Variants in CENPC observed in about 807,000 individuals in gnomAD.
CENPC encodes centromere protein C, also known as CENP-C 1.
In CENPC, 63 loss-of-function variants were observed where a neutral mutation model predicts 112.1. That is an observed-to-expected ratio of 0.56 (90% CI 0.46 to 0.69). The LOEUF is 0.69. Ranked by LOEUF, CENPC falls within the 30% of genes least tolerant of loss-of-function variation. The pLI is 0.00. For synonymous variants in CENPC, 333 were observed against 367.6 expected (o/e 0.91, Z 1.08); for missense variants, 1,000 against 1,103.8 (o/e 0.91, Z 1.33).
At chr4:67,519,950 A>T (rs1726174716) in intron 5 of CENPC, among the ~76,000 whole-genome samples, 1 of 152,212 alleles carries the variant, frequency 6.6e-6, no homozygotes, top group South Asian at 2.1e-4. Flanking sequence ...TTATCCATCA[A>T]TCAACAACAG....
chr4:67,480,746 T>A (rs1724934294), intron 17 of CENPC, among the ~76,000 whole-genome samples: 1 of 152,198 alleles, frequency 6.6e-6, no homozygotes, highest in African/African-American at 2.4e-5. Context: ...AATCCGGCAT[T>A]GCTTTATGAT....
intron 5 of CENPC, among the ~76,000 whole-genome samples, chr4:67,520,087 C>T (rs919469305): frequency 1.4e-4 from 21 of 152,146 alleles, no homozygotes; most frequent in African/African-American, 5.1e-4. Context: ...AACCTGTAAC[C>T]ACCAATAGGT....
At chr4:67,478,664 A>C (rs879700619) in intron 17 of CENPC, among the ~76,000 whole-genome samples, 120 of 50,668 alleles carry the variant, frequency 2.4e-3, no homozygotes, top group East Asian at 8.4e-3. Flanking sequence ...ACACACACAC[A>C]CACCCAAAGT....
At chr4:67,523,564 T>C (rs1457704079) in intron 5 of CENPC, among the ~76,000 whole-genome samples, 1 of 152,164 alleles carries the variant, frequency 6.6e-6, no homozygotes, top group Non-Finnish European at 1.5e-5. Flanking sequence ...TGGTAATGGA[T>C]TAGAGTCAGA....
chr4:67,512,585 C>T lies in CENPC; in HGVS notation c.1445-16G>A. On this transcript the variant is annotated splice_polypyrimidine_tract_variant and intron_variant, in intron 8 of 18. Coordinates refer to ENST00000273853, the MANE Select transcript of CENPC (RefSeq NM_001812.4). ...TTCTTGCTTCCTAAAATAAAGAAAA[C>T]CATAAAACCAATTCACAATCTACTA... is the stretch of plus-strand genomic sequence containing the variant. 6.8e-7 allele frequency: 1 copy of T among 1,476,284 alleles called. No homozygotes were observed. The highest frequency in any genetic ancestry group is 1.4e-5 in the South Asian group (1 of 70,498). 91.4% of individuals were successfully genotyped at this position (1,476,284 alleles called of 1,614,324 possible).
intron 4 of CENPC, among the ~76,000 whole-genome samples, chr4:67,539,119 C>T (rs550817087): frequency 2.0e-5 from 3 of 152,222 alleles, no homozygotes; most frequent in South Asian, 2.1e-4. Context: ...AAAGTTAATA[C>T]TTTATGACCA....
At chr4:67,516,348 A>G (rs1726055572) in intron 7 of CENPC, among the ~76,000 whole-genome samples, 1 of 152,002 alleles carries the variant, frequency 6.6e-6, no homozygotes, top group South Asian at 2.1e-4. Context: ...AACAAGGTAA[A>G]CATCCAAACT....
chr4:67,475,977 T>C (rs1341603887), intron 17 of CENPC, among the ~76,000 whole-genome samples: 1 of 152,188 alleles, frequency 6.6e-6, no homozygotes, highest in East Asian at 1.9e-4. Flanking sequence ...ATGATAGTGG[T>C]CCTATAAGGT....
chr4:67,495,841 G>A (rs929943485), intron 12 of CENPC, among the ~76,000 whole-genome samples: 1 of 152,086 alleles, frequency 6.6e-6, no homozygotes. Flanking sequence ...ATAAGCTCAG[G>A]GGTTCTCAAC....
intron 5 of CENPC, among the ~76,000 whole-genome samples, chr4:67,528,920 T>C (rs374626507): frequency 6.6e-6 from 1 of 152,196 alleles, no homozygotes; most frequent in African/African-American, 2.4e-5. Flanking sequence ...GGCTGCACCA[T>C]TTTACATTCC....
chr4:67,502,171 G>T (rs1266196069), intron 12 of CENPC, among the ~76,000 whole-genome samples: 1 of 151,866 alleles, frequency 6.6e-6, no homozygotes, highest in Non-Finnish European at 1.5e-5. Flanking sequence ...TTAGCTGGTG[G>T]TTCATTGTGT....
intron 5 of CENPC, among the ~76,000 whole-genome samples, chr4:67,529,534 C>A (rs1009307581): frequency 6.6e-6 from 1 of 152,052 alleles, no homozygotes; most frequent in Non-Finnish European, 1.5e-5. Context: ...CCATGTTGGC[C>A]ATGCTGGTCT....
Position 67,487,193 on chromosome 4 carries a change from T to C in CENPC, c.2670+2774A>G, listed in dbSNP as rs530351474. Among the ~76,000 whole-genome samples, 41 of 152,210 alleles carry C rather than the reference T, an allele frequency of 2.7e-4. No individual in the cohort carries two copies. The South Asian group carries it at 8.5e-3, about 32-fold the overall frequency. On this transcript the variant is annotated intron_variant, in intron 17 of 18. Transcript: ENST00000273853. Reference sequence around the variant, plus strand: ...CTTCACTCATTAGCTGGAATATTATTCTAATAAGAACAAACTCATCTATTA... The same window carrying C: ...CTTCACTCATTAGCTGGAATATTATCCTAATAAGAACAAACTCATCTATTA...
chr4:67,498,430 T>C (rs892168632), intron 12 of CENPC, among the ~76,000 whole-genome samples: 28 of 152,148 alleles, frequency 1.8e-4, no homozygotes, highest in African/African-American at 6.3e-4. Context: ...TGCTGTTGTA[T>C]AGCATTTTAC....
At chr4:67,529,864 TA>T (rs1726493677) in intron 5 of CENPC, among the ~76,000 whole-genome samples, 1 of 152,172 alleles carries the variant, frequency 6.6e-6, no homozygotes, top group South Asian at 2.1e-4. Context: ...CTACTATTAG[TA>T]ACAAGAGTAT....
intron 12 of CENPC, among the ~76,000 whole-genome samples, chr4:67,499,022 G>A (rs1464175797): frequency 6.6e-6 from 1 of 152,216 alleles, no homozygotes; most frequent in Non-Finnish European, 1.5e-5. Flanking sequence ...TGCTCTCTTA[G>A]TAGGCATGAA....
At chr4:67,486,118 C>A (rs959939623) in intron 17 of CENPC, among the ~76,000 whole-genome samples, 1 of 151,980 alleles carries the variant, frequency 6.6e-6, no homozygotes, top group Non-Finnish European at 1.5e-5. Flanking sequence ...GTGTTTTTTT[C>A]TCATCTATTC....
chr4:67,470,760 AG>A lies in CENPC; in HGVS notation c.*1844del, dbSNP rs550222026. On this transcript the variant is annotated 3_prime_UTR_variant, in exon 19 of 19. Coordinates refer to ENST00000273853, the MANE Select transcript of CENPC (RefSeq NM_001812.4). ...GAAAAACTAGCAACTTTGCCGTAAG[AG>A]GAGTCTTGATTTACAGCAGAGGTAT... 1.4e-3 allele frequency: 213 copies of A among 152,264 alleles called. 2 individuals are homozygous for A. The highest frequency in any genetic ancestry group is 4.7e-3 in the African/African-American group (196 of 41,540). 9.4% of individuals were successfully genotyped at this position (152,264 alleles called of 1,614,324 possible). A position where few individuals can be genotyped will look rare whatever the true frequency, so the allele number is the denominator to read the frequency against.
chr4:67,493,243 C>T (rs1182687815), intron 14 of CENPC, among the ~76,000 whole-genome samples: 2 of 148,732 alleles, frequency 1.3e-5, no homozygotes, highest in Non-Finnish European at 3.0e-5. Flanking sequence ...CTGAAATCAA[C>T]AGTCATCAGT....
Sources: allele counts gnomAD v4.1 joint callset (sites outside exome capture counted in the v4.1 genomes callset), GRCh38; gene constraint gnomAD v4.1.1; transcripts MANE v1.5; gene names NCBI Gene and HGNC (gene_info 2026-07-23, HGNC 2026-07-21).